IQGAP2: variants seen among roughly 807,000 people sequenced by gnomAD.
IQGAP2 encodes ras GTPase-activating-like protein IQGAP2.
Under a neutral mutation model 201.3 loss-of-function variants are expected in IQGAP2, and 173 were observed. That is an observed-to-expected ratio of 0.86 (90% CI 0.76 to 0.98). The LOEUF (loss-of-function observed/expected upper bound fraction) is 0.98. IQGAP2 is among the 50% of genes least tolerant of loss of function. The probability of loss-of-function intolerance (pLI) is 0.00; values close to 1 mark genes in which losing one functional copy is unlikely to be tolerated. For synonymous variants in IQGAP2, 675 were observed against 673.9 expected, an observed-to-expected ratio of 1.00 and a Z score of -0.03; for missense variants, 1,687 against 1,864.8, an observed-to-expected ratio of 0.90 and a Z score of 1.76.
rs540171248 is a variant in IQGAP2, at chr5:76,644,171, C to G, written c.2094+3068C>G. Among the ~76,000 whole-genome samples, 3 of 152,024 alleles carry G rather than the reference C, an allele frequency of 2.0e-5. No homozygotes were observed. The South Asian group carries it at 6.2e-4, about 32-fold the overall frequency. Reference sequence around the variant, plus strand: ...AGCGTTTTGACAGACTTCTTTTATACAGATACTCTGCACAGAAAATATATT... The same window carrying G: ...AGCGTTTTGACAGACTTCTTTTATAGAGATACTCTGCACAGAAAATATATT... On this transcript the variant is annotated intron_variant, in intron 17 of 35. Transcript: ENST00000274364.
intron 2 of IQGAP2, among the ~76,000 whole-genome samples, chr5:76,536,761 C>CAA (rs752757446): frequency 1.7e-4 from 19 of 114,984 alleles, no homozygotes; most frequent in Non-Finnish European, 1.9e-4. Context: ...ACTCCGTCTC[C>CAA]AAAAAAAAAA....
At chr5:76,677,432 G>T (rs1053672953) in intron 28 of IQGAP2, 82 bp downstream of exon 28, 2 of 1,334,880 alleles carry the variant, frequency 1.5e-6, no homozygotes, top group African/African-American at 2.9e-5. Context: ...ATCTCTACAG[G>T]ACTTATTGTA....
At chr5:76,672,733 C>T (rs566518076) in intron 24 of IQGAP2, among the ~76,000 whole-genome samples, 2 of 152,216 alleles carry the variant, frequency 1.3e-5, no homozygotes, top group African/African-American at 2.4e-5. Flanking sequence ...ACACAAATTG[C>T]ATTACACCCA....
chr5:76,520,423 A>C (rs1561434672), intron 2 of IQGAP2, among the ~76,000 whole-genome samples: 1 of 152,198 alleles, frequency 6.6e-6, no homozygotes, highest in African/African-American at 2.4e-5. Context: ...CAGCCTTCCA[A>C]AGTGCTGGGA....
chr5:76,450,203 T>C (rs1466493902), intron 1 of IQGAP2, among the ~76,000 whole-genome samples: 1 of 152,176 alleles, frequency 6.6e-6, no homozygotes, highest in Non-Finnish European at 1.5e-5. Context: ...TTCCAAGTAG[T>C]TTACACAATC....
chr5:76,586,651 G>A lies in IQGAP2; in HGVS notation c.459-2255G>A, dbSNP rs115928024. 5.0e-3 allele frequency among the ~76,000 whole-genome samples: 764 copies of A among 152,274 alleles called. 8 individuals are homozygous for A. The highest frequency in any genetic ancestry group is 0.018 in the African/African-American group (729 of 41,566). On this transcript the variant is annotated intron_variant, in intron 5 of 35. Coordinates refer to ENST00000274364, the MANE Select transcript of IQGAP2 (RefSeq NM_006633.5). ...AAAATGGCATTCAGATGTATTCGTGGTCTAGTGGGCCATGCCCATCGGGGT... is the reference window on the plus strand; with the variant it reads ...AAAATGGCATTCAGATGTATTCGTGATCTAGTGGGCCATGCCCATCGGGGT...
chr5:76,597,099 T>C (rs1483519671), intron 9 of IQGAP2: 3 of 220,414 alleles, frequency 1.4e-5, no homozygotes, highest in Non-Finnish European at 2.7e-5. Flanking sequence ...TGATGAGAAA[T>C]CCTTAAGGAC....
chr5:76,457,486 T>C (rs1037565509), intron 1 of IQGAP2, among the ~76,000 whole-genome samples: 3 of 152,230 alleles, frequency 2.0e-5, no homozygotes, highest in African/African-American at 7.2e-5. Context: ...TTTTGAGTCA[T>C]ATTCATCACT....
intron 9 of IQGAP2, among the ~76,000 whole-genome samples, chr5:76,593,317 C>T (rs562393009): frequency 2.0e-5 from 3 of 151,126 alleles, no homozygotes; most frequent in African/African-American, 7.3e-5. Flanking sequence ...ATTGACACCA[C>T]TGCTCTCTGT....
intron 10 of IQGAP2, among the ~76,000 whole-genome samples, chr5:76,599,026 T>C (rs757422374): frequency 6.3e-4 from 96 of 152,102 alleles, no homozygotes; most frequent in Non-Finnish European, 1.1e-3. Flanking sequence ...TTAAAATACA[T>C]AAAAGGATAT....
intron 17 of IQGAP2, among the ~76,000 whole-genome samples, chr5:76,648,715 A>G (rs2150419649): frequency 6.6e-6 from 1 of 152,378 alleles, no homozygotes; most frequent in East Asian, 1.9e-4. Context: ...TAAAAGGTTT[A>G]TAAACCACAC....
At chr5:76,503,174 C>CTTTTTTTTTTTTTTTTTTT (rs11297908) in intron 2 of IQGAP2, among the ~76,000 whole-genome samples, 6 of 109,354 alleles carry the variant, frequency 5.5e-5, no homozygotes, top group South Asian at 3.0e-4. Context: ...CTTTTCTTTT[C>CTTTTTTTTTTTTTTTTTTT]TTTTTTTTTT....
At chr5:76,482,999 G>A (rs984096139) in intron 2 of IQGAP2, among the ~76,000 whole-genome samples, 21 of 152,224 alleles carry the variant, frequency 1.4e-4, no homozygotes, top group African/African-American at 4.6e-4. Flanking sequence ...AAAATTAAGC[G>A]CTACATTGCT....
chr5:76,579,370 G>A (rs533572048), intron 5 of IQGAP2, among the ~76,000 whole-genome samples: 4 of 151,108 alleles, frequency 2.6e-5, no homozygotes, highest in African/African-American at 9.7e-5. Context: ...AGAACATGGC[G>A]CAACTTTGGG....
At chr5:76,651,066 C>T (rs1387434662) in intron 17 of IQGAP2, among the ~76,000 whole-genome samples, 1 of 152,120 alleles carries the variant, frequency 6.6e-6, no homozygotes, top group Non-Finnish European at 1.5e-5. Flanking sequence ...TCCTCGAGCT[C>T]ACACTTCACC....
chr5:76,589,518 A>G, intron 6 of IQGAP2, 97 bp from the exon 7 acceptor site: 1 of 636,326 alleles, frequency 1.6e-6, no homozygotes, highest in East Asian at 3.1e-5. Context: ...CCACTTCCTG[A>G]TGAAGACATT....
At chr5:76,623,394 G>T (rs1051187207) in intron 13 of IQGAP2, 13 of 694,832 alleles carry the variant, frequency 1.9e-5, no homozygotes, top group Non-Finnish European at 2.9e-5. Context: ...CTGGTCCTCC[G>T]CAGGGAAAGG....
chr5:76,473,541 A>G (rs186740138), intron 2 of IQGAP2, among the ~76,000 whole-genome samples: 17 of 152,148 alleles, frequency 1.1e-4, no homozygotes, highest in Non-Finnish European at 1.6e-4. Flanking sequence ...AGATCTCACT[A>G]TGTTGCTTAG....
At chr5:76,624,778 G>A (rs896275053) in intron 13 of IQGAP2, among the ~76,000 whole-genome samples, 1 of 152,142 alleles carries the variant, frequency 6.6e-6, no homozygotes, top group Non-Finnish European at 1.5e-5. Flanking sequence ...GTGAACAACT[G>A]AAAAAGCAGA....
Sources: allele counts gnomAD v4.1 joint callset (sites outside exome capture counted in the v4.1 genomes callset), GRCh38; gene constraint gnomAD v4.1.1; transcripts MANE v1.5; gene names NCBI Gene and HGNC (gene_info 2026-07-23, HGNC 2026-07-21).